The following GPR176 variants were observed in gnomAD, a reference collection of about 807,000 sequenced individuals.
GPR176 encodes G protein-coupled receptor 176, also known as G-protein coupled receptor 176.
A neutral mutation model predicts 35.4 loss-of-function variants in GPR176; 26 were observed. The observed-to-expected ratio is 0.74, with a 90% CI of 0.54 to 1.02. The LOEUF is 1.02. Among genes scored for constraint, GPR176 ranks in the 50% least tolerant of loss-of-function variants. GPR176 has a pLI of 0.00. For missense variants in GPR176, 597 were observed against 665.3 expected, an observed-to-expected ratio of 0.90 and a Z score of 1.13; for synonymous variants, 278 against 271.3, an observed-to-expected ratio of 1.02 and a Z score of -0.24.
chr15:39,866,744 A>G (rs2031847359), intron 1 of GPR176, among the ~76,000 whole-genome samples: 1 of 152,240 alleles, frequency 6.6e-6, no homozygotes, highest in South Asian at 2.1e-4. Flanking sequence ...ACAAACCTGC[A>G]TGTGTATCCC....
At chr15:39,883,826 A>G (rs2032572844) in intron 1 of GPR176, among the ~76,000 whole-genome samples, 1 of 151,918 alleles carries the variant, frequency 6.6e-6, no homozygotes, top group Non-Finnish European at 1.5e-5. Flanking sequence ...TTTCTTACAT[A>G]TAACAAGATC....
intron 1 of GPR176, among the ~76,000 whole-genome samples, chr15:39,888,757 AG>A (rs1482574792): frequency 6.6e-6 from 1 of 152,120 alleles, no homozygotes; most frequent in Non-Finnish European, 1.5e-5. Flanking sequence ...ACCCATCTTG[AG>A]GATATGAACC....
rs753425581 is a variant in GPR176 at position 39,801,650 on chromosome 15, G to C, written c.1030C>G (p.Arg344Gly). The C allele has an allele frequency of 1.2e-6, 2 of 1,613,962 alleles. No individual in the cohort carries two copies. The highest frequency in any genetic ancestry group is 3.3e-5 in the Admixed American group (2 of 60,026). The change falls in exon 3 of 3, where the codon CGC becomes GGC. Residue 344 changes from arginine to glycine, a missense_variant. Physicochemically the swap from Arg to Gly is moderately radical, Grantham distance 125. Around this residue, in one of 3 missense-constraint regions of GPR176, gnomAD observed 251 missense variants for 255.4 expected, o/e 0.98. Transcript: ENST00000561100. ...CTCCCTGTACTGACCACATTACGGCGACTGTACCGGTGGTGTAGTTGCACC... is the reference window on the plus strand; with the variant it reads ...CTCCCTGTACTGACCACATTACGGCCACTGTACCGGTGGTGTAGTTGCACC... ...TLVQLHHRYS[R>G]RNVVSTGSGM... is the part of the protein sequence containing the mutation.
chr15:39,838,426 C>T (rs919529866), intron 1 of GPR176, among the ~76,000 whole-genome samples: 8 of 152,178 alleles, frequency 5.3e-5, no homozygotes, highest in African/African-American at 1.9e-4. Context: ...CTTACTGATT[C>T]TTAATTAGTC....
At chr15:39,806,749 A>T (rs928339747) in intron 2 of GPR176, among the ~76,000 whole-genome samples, 4 of 152,220 alleles carry the variant, frequency 2.6e-5, no homozygotes, top group Non-Finnish European at 5.9e-5. Context: ...ACCATGATCT[A>T]GCAGCTCTGC....
intron 1 of GPR176, among the ~76,000 whole-genome samples, chr15:39,827,783 C>T (rs1297664479): frequency 6.6e-6 from 1 of 152,158 alleles, no homozygotes; most frequent in African/African-American, 2.4e-5. Context: ...AATGCATGTA[C>T]CTTGCACAAT....
rs144994161 is a variant in GPR176, at chr15:39,907,271, G to A, written c.172+12584C>T. 5.9e-3 allele frequency among the ~76,000 whole-genome samples: 895 copies of A among 152,270 alleles called. 4 individuals carry two copies. Among genetic ancestry groups the A allele is most frequent in the Non-Finnish European group, 8.2e-3 (558 of 68,018 alleles). On this transcript the variant is annotated intron_variant, in intron 1 of 2. Coordinates refer to ENST00000561100, the MANE Select transcript of GPR176 (RefSeq NM_007223.3). ...CCTCTCCACCTTTCACCTCTTGCTC[G>A]GTGCCTTCTGCCTTTGCATTGTCTA...
chr15:39,846,169 T>C (rs367996309), intron 1 of GPR176, among the ~76,000 whole-genome samples: 14 of 152,186 alleles, frequency 9.2e-5, no homozygotes, highest in Non-Finnish European at 1.3e-4. Context: ...CTCTGGGCAT[T>C]ATATACAACA....
chr15:39,901,953 G>A (rs1160468141), intron 1 of GPR176, among the ~76,000 whole-genome samples: 1 of 151,886 alleles, frequency 6.6e-6, no homozygotes, highest in African/African-American at 2.4e-5. Context: ...ACGTGGTGGT[G>A]CATGTCTGTA....
At chr15:39,880,003 A>G (rs886245562) in intron 1 of GPR176, among the ~76,000 whole-genome samples, 26 of 152,304 alleles carry the variant, frequency 1.7e-4, no homozygotes, top group African/African-American at 6.0e-4. Flanking sequence ...AAGACCCACA[A>G]TTCCTATACT....
intron 2 of GPR176, among the ~76,000 whole-genome samples, chr15:39,802,970 A>G (rs1313133473): frequency 6.6e-6 from 1 of 152,230 alleles, no homozygotes; most frequent in East Asian, 1.9e-4. Context: ...AAATCAGATG[A>G]GACATTGTTT....
intron 1 of GPR176, among the ~76,000 whole-genome samples, chr15:39,911,526 G>A (rs2033576925): frequency 6.6e-6 from 1 of 152,196 alleles, no homozygotes; most frequent in Admixed American, 6.5e-5. Context: ...GAAATTGCTT[G>A]CAAATGCAAA....
At chr15:39,872,132 T>C (rs1053354976) in intron 1 of GPR176, among the ~76,000 whole-genome samples, 1 of 152,202 alleles carries the variant, frequency 6.6e-6, no homozygotes, top group Non-Finnish European at 1.5e-5. Context: ...TGGTGGCAGC[T>C]GCATGAAAAT....
At chr15:39,869,230 A>T (rs1352064594) in intron 1 of GPR176, among the ~76,000 whole-genome samples, 3 of 152,130 alleles carry the variant, frequency 2.0e-5, no homozygotes, top group Admixed American at 6.5e-5. Flanking sequence ...TTTTACTTTA[A>T]AAAGGACTCT....
intron 1 of GPR176, among the ~76,000 whole-genome samples, chr15:39,897,573 T>A (rs2033150821): frequency 6.6e-6 from 1 of 150,616 alleles, no homozygotes; most frequent in South Asian, 2.1e-4. Context: ...ACTCATTGCC[T>A]GAGAGATCAT....
At chr15:39,902,265 C>T (rs2033301891) in intron 1 of GPR176, among the ~76,000 whole-genome samples, 1 of 152,190 alleles carries the variant, frequency 6.6e-6, no homozygotes, top group South Asian at 2.1e-4. Context: ...ACTCAACCCA[C>T]CATTCAGCAG....
At chr15:39,866,573 A>T (rs1350429078) in intron 1 of GPR176, among the ~76,000 whole-genome samples, 1 of 152,234 alleles carries the variant, frequency 6.6e-6, no homozygotes, top group Non-Finnish European at 1.5e-5. Flanking sequence ...AAACTAATTT[A>T]AGTATATTAT....
At chr15:39,868,288 A>T (rs1210896238) in intron 1 of GPR176, among the ~76,000 whole-genome samples, 2 of 152,148 alleles carry the variant, frequency 1.3e-5, no homozygotes, top group Non-Finnish European at 2.9e-5. Flanking sequence ...GATGGTCAGG[A>T]GCAATGTGAT....
Position 39,802,204 on chromosome 15 carries a change from G to A in GPR176, c.476C>T (p.Ser159Phe), listed in dbSNP as rs753792480. 1.9e-6 allele frequency: 3 copies of A among 1,613,768 alleles called. No individual in the cohort carries two copies. Among genetic ancestry groups the A allele is most frequent in the Admixed American group, 1.7e-5 (1 of 60,014 alleles). Residue 159 changes from serine (S) to phenylalanine (F), a missense_variant, in exon 3 of 3, where the codon TCC becomes TTC. This residue lies in a region of GPR176 where 220 missense variants were observed against 297.6 expected (regional missense o/e 0.74). Coordinates refer to ENST00000561100, the MANE Select transcript of GPR176 (RefSeq NM_007223.3). Reference sequence around the variant, plus strand: ...CCAGATGTACATCACCAGTTCACGGGACTTGGCATCAGATATTTTCCTCTC... The same window carrying A: ...CCAGATGTACATCACCAGTTCACGGAACTTGGCATCAGATATTTTCCTCTC... Reference protein sequence around the residue: ...PLERKISDAKSRELVMYIWAH... With the variant: ...PLERKISDAKFRELVMYIWAH...
Sources: allele counts gnomAD v4.1 joint callset (sites outside exome capture counted in the v4.1 genomes callset), GRCh38; gene constraint gnomAD v4.1.1; regional missense constraint gnomAD v4.1.1; transcripts MANE v1.5; gene names NCBI Gene and HGNC (gene_info 2026-07-23, HGNC 2026-07-21).